NDUFB3: variants seen among roughly 807,000 people sequenced by gnomAD.
The protein encoded by NDUFB3 is NADH dehydrogenase [ubiquinone] 1 beta subcomplex subunit 3.
NDUFB3 carries 7 observed loss-of-function variants against 9.0 expected under a neutral mutation model. The observed-to-expected ratio is 0.78, with a 90% CI of 0.44 to 1.46. The LOEUF is 1.46. Ranked by LOEUF, NDUFB3 falls within the 40% of genes most tolerant of loss-of-function variation. The pLI is 0.01. For synonymous variants in NDUFB3, 29 were observed against 38.5 expected, an observed-to-expected ratio of 0.75 and a Z score of 0.91; for missense variants, 93 against 115.4, an observed-to-expected ratio of 0.81 and a Z score of 0.89.
chr2:201,079,898 C>G (rs2047204885), intron 2 of NDUFB3: 1 of 152,024 alleles, frequency 6.6e-6, no homozygotes, highest in Admixed American at 6.6e-5. Flanking sequence ...TTAGTATGGC[C>G]CTGTGCAAGG....
At chr2:201,081,275 G>A (rs1315936448) in intron 2 of NDUFB3, among the ~76,000 whole-genome samples, 1 of 151,814 alleles carries the variant, frequency 6.6e-6, no homozygotes, top group African/African-American at 2.4e-5. Flanking sequence ...CTTAAGGTCA[G>A]GTGTTCGAGA....
At chr2:201,078,733 TA>T in intron 1 of NDUFB3, 147 bp from the exon 2 acceptor site, 1 of 756,636 alleles carries the variant, frequency 1.3e-6, no homozygotes, top group Non-Finnish European at 2.0e-6. Flanking sequence ...GACACTTTTA[TA>T]AAATCCTTTA....
chr2:201,085,504 C>A lies in NDUFB3; in HGVS notation c.186C>A (p.Ser62=). The change falls in exon 3 of 3, where the codon TCC becomes TCA. Residue 62 remains serine, a synonymous_variant. Coordinates refer to ENST00000237889, the MANE Select transcript of NDUFB3 (RefSeq NM_002491.3). Reference sequence around the variant, plus strand: ...TGGGTGGCTTTGCAAAGAGTGTTTCCTTTTCTGATGTATTCTTTAAAGGAT... The same window carrying A: ...TGGGTGGCTTTGCAAAGAGTGTTTCATTTTCTGATGTATTCTTTAAAGGAT... ...RYMGGFAKSV[S]FSDVFFKGFK... 1 of 1,610,994 alleles carries A rather than the reference C, an allele frequency of 6.2e-7. No individual in the cohort carries two copies.
At chr2:201,084,269 G>A (rs1165340005) in intron 2 of NDUFB3, among the ~76,000 whole-genome samples, 1 of 150,054 alleles carries the variant, frequency 6.7e-6, no homozygotes, top group East Asian at 1.9e-4. Context: ...CAGCCCAGGC[G>A]ACAGTGCGAG....
intron 2 of NDUFB3, among the ~76,000 whole-genome samples, chr2:201,084,454 T>C (rs1393779697): frequency 6.6e-6 from 1 of 151,690 alleles, no homozygotes; most frequent in Non-Finnish European, 1.5e-5. Context: ...ATTGAGACTC[T>C]GTCATAAATA....
At chr2:201,083,351 C>CTTTTTTTTTTTTTTT (rs748310803) in intron 2 of NDUFB3, among the ~76,000 whole-genome samples, 43 of 119,892 alleles carry the variant, frequency 3.6e-4, no homozygotes, top group Non-Finnish European at 5.0e-4. Flanking sequence ...TTTATTATTT[C>CTTTTTTTTTTTTTTT]TTTTTTTTTT....
intron 2 of NDUFB3, among the ~76,000 whole-genome samples, chr2:201,084,263 C>T (rs1289688061): frequency 6.6e-6 from 1 of 151,402 alleles, no homozygotes; most frequent in Non-Finnish European, 1.5e-5. Context: ...GCACTCCAGC[C>T]CAGGCGACAG....
At chr2:201,077,736 T>G (rs2047179615) in intron 1 of NDUFB3, among the ~76,000 whole-genome samples, 1 of 152,224 alleles carries the variant, frequency 6.6e-6, no homozygotes, top group South Asian at 2.1e-4. Flanking sequence ...ACATTTTGAA[T>G]TTTATCAATA....
At chr2:201,080,681 A>G (rs376475491) in intron 2 of NDUFB3, among the ~76,000 whole-genome samples, 24 of 150,748 alleles carry the variant, frequency 1.6e-4, no homozygotes, top group African/African-American at 5.1e-4. Flanking sequence ...TTTAAATTAC[A>G]TAGCATAAGA....
At chr2:201,076,723 G>A (rs1224805146) in intron 1 of NDUFB3, among the ~76,000 whole-genome samples, 1 of 151,394 alleles carries the variant, frequency 6.6e-6, no homozygotes, top group African/African-American at 2.4e-5. Flanking sequence ...GGGTTCAAGC[G>A]ATTCTCATCC....
chr2:201,078,297 G>T (rs574339437), intron 1 of NDUFB3, among the ~76,000 whole-genome samples: 1 of 151,734 alleles, frequency 6.6e-6, no homozygotes, highest in Non-Finnish European at 1.5e-5. Flanking sequence ...GCGAGACGCC[G>T]TCTCAAAAAA....
chr2:201,085,735 T>A lies in NDUFB3; in HGVS notation c.*120T>A, dbSNP rs1442358614. On this transcript the variant is annotated 3_prime_UTR_variant, in exon 3 of 3. Transcript: ENST00000237889. ...ATTAGTAAGATTTAATCAATTAAAA[T>A]ATATATATATGCCAATCTGCTTTTG... 1.0e-5 allele frequency: 7 copies of A among 699,086 alleles called. No individual in the cohort carries two copies. Among genetic ancestry groups the A allele is most frequent in the Middle Eastern group, 2.7e-4 (1 of 3,638 alleles). The allele number at this position is 699,086 out of a possible 1,614,324, so 43.3% of individuals were successfully genotyped here. A position where few individuals can be genotyped will look rare whatever the true frequency, so the allele number is the denominator to read the frequency against.
At chr2:201,073,123 G>C (rs569236767) in intron 1 of NDUFB3, among the ~76,000 whole-genome samples, 2 of 152,148 alleles carry the variant, frequency 1.3e-5, no homozygotes, top group Non-Finnish European at 2.9e-5. Flanking sequence ...CTCCCAGTAT[G>C]TTTCTGTGAT....
At chr2:201,072,190 G>A (rs1356799671) in intron 1 of NDUFB3, 131 bp downstream of exon 1, 1 of 152,396 alleles carries the variant, frequency 6.6e-6, no homozygotes, top group Non-Finnish European at 1.5e-5. Context: ...GAACTAGCAG[G>A]CGAGAACTAA....
At chr2:201,078,063 G>A (rs2047184156) in intron 1 of NDUFB3, among the ~76,000 whole-genome samples, 1 of 151,940 alleles carries the variant, frequency 6.6e-6, no homozygotes, top group African/African-American at 2.4e-5. Flanking sequence ...AGCACTTTGG[G>A]AGGCTGAGGT....
At chr2:201,074,657 A>T (rs1381175497) in intron 1 of NDUFB3, among the ~76,000 whole-genome samples, 1 of 151,666 alleles carries the variant, frequency 6.6e-6, no homozygotes, top group Non-Finnish European at 1.5e-5. Flanking sequence ...GGGTTTCCCC[A>T]TGTTGGCCAG....
At chr2:201,085,322 G>T in intron 2 of NDUFB3, 137 bp from the exon 3 acceptor site, 1 of 578,534 alleles carries the variant, frequency 1.7e-6, no homozygotes, top group South Asian at 3.4e-5. Context: ...GCCACAGAAA[G>T]ATTCCTATTG....
chr2:201,085,396 T>C (rs2047279462), intron 2 of NDUFB3, 63 bp from the exon 3 acceptor site: 2 of 1,261,726 alleles, frequency 1.6e-6, no homozygotes, highest in South Asian at 1.7e-5. Context: ...GAAAATTAAA[T>C]GTCTTCAACG....
At chr2:201,073,885 T>C (rs2047129839) in intron 1 of NDUFB3, among the ~76,000 whole-genome samples, 1 of 152,308 alleles carries the variant, frequency 6.6e-6, no homozygotes, top group Admixed American at 6.5e-5. Context: ...ATTATGTTTA[T>C]AAGATTTACA....
Sources: allele counts gnomAD v4.1 joint callset (sites outside exome capture counted in the v4.1 genomes callset), GRCh38; gene constraint gnomAD v4.1.1; transcripts MANE v1.5; gene names NCBI Gene and HGNC (gene_info 2026-07-23, HGNC 2026-07-21).